Variants in STRADA observed in about 807,000 individuals in gnomAD.
The protein encoded by STRADA is STE20-related kinase adapter protein alpha.
A neutral mutation model predicts 55.0 loss-of-function variants in STRADA; 26 were observed. That is an observed-to-expected ratio of 0.47 (90% CI 0.35 to 0.66). STRADA has a LOEUF of 0.66. STRADA is among the 30% of genes least tolerant of loss of function. The pLI is 0.01. For missense variants in STRADA, 443 were observed against 549.7 expected, an observed-to-expected ratio of 0.81 and a Z score of 1.94; for synonymous variants, 197 against 210.9, an observed-to-expected ratio of 0.93 and a Z score of 0.57.
rs373393907 is a variant in STRADA, at chr17:63,735,390, G to A, written c.-45+6351C>T. Among the ~76,000 whole-genome samples, 8 of 152,248 alleles carry A rather than the reference G, an allele frequency of 5.3e-5. 1 individual carries two copies. The East Asian group carries it at 7.7e-4, about 15-fold the overall frequency. ...CTTGATCAGCATACTTTGGCTTGCC[G>A]AATCTCAACGTTAATAACTCTAAAA... On this transcript the variant is annotated intron_variant, in intron 1 of 12. Coordinates refer to ENST00000336174, the MANE Select transcript of STRADA (RefSeq NM_001003787.4).
intron 1 of STRADA, among the ~76,000 whole-genome samples, chr17:63,735,628 C>A: frequency 6.6e-6 from 1 of 152,136 alleles, no homozygotes; most frequent in African/African-American, 2.4e-5. Flanking sequence ...CAAATAATAA[C>A]CATATATCTG....
chr17:63,714,922 A>T (rs138765624), intron 4 of STRADA, among the ~76,000 whole-genome samples: 1 of 152,220 alleles, frequency 6.6e-6, no homozygotes, highest in Non-Finnish European at 1.5e-5. Flanking sequence ...ACCTAAATTT[A>T]TGTGTATGAT....
At chr17:63,736,986 C>T (rs181164881) in intron 1 of STRADA, among the ~76,000 whole-genome samples, 3 of 151,810 alleles carry the variant, frequency 2.0e-5, no homozygotes, top group East Asian at 3.9e-4. Context: ...CAGTGGTCCA[C>T]GCCTATAATC....
chr17:63,710,802 G>C lies in STRADA; in HGVS notation c.383C>G (p.Pro128Arg), dbSNP rs1012654746. The change falls in exon 7 of 13, where the codon CCC becomes CGC. Residue 128 changes from proline to arginine, a missense_variant. Coordinates refer to ENST00000336174, the MANE Select transcript of STRADA (RefSeq NM_001003787.4). ...AGTGGCTCGATATGGCACGATATTGGGATGGTTGAAGAGTTTGGAGACATG... is the reference window on the plus strand; with the variant it reads ...AGTGGCTCGATATGGCACGATATTGCGATGGTTGAAGAGTTTGGAGACATG... ...ELHVSKLFNHPNIVPYRATFI... is the reference protein window; with the variant it reads ...ELHVSKLFNHRNIVPYRATFI... The C allele has an allele frequency of 1.2e-6, 2 of 1,614,166 alleles. No individual in the cohort carries two copies. Among genetic ancestry groups the C allele is most frequent in the South Asian group, 2.2e-5 (2 of 91,082 alleles).
Position 63,704,389 on chromosome 17 carries a change from T to A in STRADA, c.1052A>T (p.His351Leu), listed in dbSNP as rs1429379773. 1 of 1,581,448 alleles carries A rather than the reference T, an allele frequency of 6.3e-7. No individual in the cohort carries two copies. Among genetic ancestry groups the A allele is most frequent in the East Asian group, 2.3e-5 (1 of 43,610 alleles). ...GCACTGCTCCACAAAGTGGTGGAAG[T>A]GGGGGGAGAAGGTTCGGTGGTAGGG... ...SHPYHRTFSPHFHHFVEQCLQ... is the reference protein window; with the variant it reads ...SHPYHRTFSPLFHHFVEQCLQ... The change falls in exon 11 of 13, where the codon CAC (histidine) becomes CTC (leucine). Residue 351 changes from histidine (H) to leucine (L), a missense_variant. By Grantham distance (99) the His-to-Leu change is moderately conservative. Transcript: ENST00000336174.
intron 1 of STRADA, among the ~76,000 whole-genome samples, chr17:63,740,145 T>TACAC (rs753964028): frequency 0.026 from 1,134 of 42,840 alleles, 64 homozygotes; most frequent in Middle Eastern, 0.054. Context: ...CATATATATA[T>TACAC]ATACACACAC....
intron 4 of STRADA, among the ~76,000 whole-genome samples, chr17:63,722,427 C>T (rs1712844213): frequency 6.6e-6 from 1 of 152,174 alleles, no homozygotes; most frequent in Non-Finnish European, 1.5e-5. Context: ...ATGTAATTGG[C>T]ATCGTATTCT....
At chr17:63,741,060 C>A (rs2038905241) in intron 1 of STRADA, 1 of 152,132 alleles carries the variant, frequency 6.6e-6, no homozygotes, top group East Asian at 1.9e-4. Context: ...CAAATTCCAA[C>A]GGCTCTTTCT....
At position 63,703,484 on chromosome 17, in the gene STRADA, G is replaced by T. The variant is rs995927086; in HGVS notation, c.*115C>A. 6 of 1,013,230 alleles carry T rather than the reference G, an allele frequency of 5.9e-6. No individual in the cohort carries two copies. Among genetic ancestry groups the T allele is most frequent in the Non-Finnish European group, 8.6e-6 (6 of 700,668 alleles). 62.8% of individuals were successfully genotyped at this position (1,013,230 alleles called of 1,614,324 possible). A position where few individuals can be genotyped will look rare whatever the true frequency, so the allele number is the denominator to read the frequency against. On this transcript the variant is annotated 3_prime_UTR_variant, in exon 13 of 13. Transcript: ENST00000336174. ...CAGTCAGCAGTCAACTTTCCTGGAA[G>T]AATGTCCTTTCTACCCAATCTGCCC...
intron 4 of STRADA, 21 bp from the exon 5 acceptor site, chr17:63,714,129 T>C (rs933939495): frequency 3.7e-6 from 6 of 1,601,192 alleles, no homozygotes; most frequent in Admixed American, 1.7e-5. Flanking sequence ...AAAAGAAAAA[T>C]AGGTTAGTAG....
At chr17:63,710,300 C>T (rs1312421749) in intron 8 of STRADA, 191 bp downstream of exon 8, 23 of 876,008 alleles carry the variant, frequency 2.6e-5, no homozygotes, top group African/African-American at 1.7e-4. Context: ...GCCTCCCAAG[C>T]GCTGTGATTA....
intron 4 of STRADA, chr17:63,715,325 C>A (rs1000763251): frequency 1.3e-5 from 2 of 152,090 alleles, no homozygotes; most frequent in Admixed American, 1.3e-4. Context: ...AAACGAGGGC[C>A]AAGGAGATTA....
At chr17:63,716,595 T>G (rs2036904204) in intron 4 of STRADA, among the ~76,000 whole-genome samples, 1 of 152,152 alleles carries the variant, frequency 6.6e-6, no homozygotes, top group African/African-American at 2.4e-5. Flanking sequence ...TCCTGTTGTT[T>G]CAGTGCAGGA....
chr17:63,710,409 TTCAG>T (rs2036417015), intron 8 of STRADA, 78 bp downstream of exon 8: 1 of 1,580,008 alleles, frequency 6.3e-7, no homozygotes, highest in Non-Finnish European at 8.6e-7. Flanking sequence ...CTTCATTAAC[TTCAG>T]TCAAACTTCA....
At chr17:63,728,603 A>G (rs2037809196) in intron 1 of STRADA, among the ~76,000 whole-genome samples, 190 bp from the exon 2 acceptor site, 1 of 152,120 alleles carries the variant, frequency 6.6e-6, no homozygotes, top group South Asian at 2.1e-4. Flanking sequence ...ACATTATAAA[A>G]TTCTGTAATT....
chr17:63,721,727 A>G (rs1271926278), intron 4 of STRADA, among the ~76,000 whole-genome samples: 5 of 151,972 alleles, frequency 3.3e-5, no homozygotes, highest in African/African-American at 1.2e-4. Flanking sequence ...AAAAAAAAAA[A>G]GAAAGAAAGA....
intron 4 of STRADA, among the ~76,000 whole-genome samples, chr17:63,722,710 T>C (rs2037394037): frequency 6.6e-6 from 1 of 152,238 alleles, no homozygotes; most frequent in Non-Finnish European, 1.5e-5. Context: ...TATTCCAAAA[T>C]AGCTTGGTAC....
intron 4 of STRADA, chr17:63,719,194 C>T (rs911145171): frequency 1.3e-5 from 2 of 152,156 alleles, no homozygotes; most frequent in Non-Finnish European, 2.9e-5. Context: ...AAATGCCAGC[C>T]TCATAATGAC....
chr17:63,739,757 TATTTATG>T, intron 1 of STRADA, among the ~76,000 whole-genome samples: 1 of 72,614 alleles, frequency 1.4e-5, no homozygotes, highest in Admixed American at 1.2e-4. Context: ...ATACATTATA[TATTTATG>T]TATATATGTA....
Sources: allele counts gnomAD v4.1 joint callset (sites outside exome capture counted in the v4.1 genomes callset), GRCh38; gene constraint gnomAD v4.1.1; transcripts MANE v1.5; gene names NCBI Gene and HGNC (gene_info 2026-07-23, HGNC 2026-07-21).